IGFBPL1: variants seen among roughly 807,000 people sequenced by gnomAD.
IGFBPL1 encodes insulin like growth factor binding protein like 1, also known as insulin-like growth factor-binding protein-like 1.
Under a neutral mutation model 23.9 loss-of-function variants are expected in IGFBPL1, and 20 were observed. The ratio of observed to expected loss-of-function variants is 0.84; its 90% CI spans 0.59 to 1.22. The LOEUF is 1.22. IGFBPL1 is among the 50% of genes most tolerant of loss of function. IGFBPL1 has a pLI of 0.00. For synonymous variants in IGFBPL1, 184 were observed against 171.8 expected (o/e 1.07, Z -0.56); for missense variants, 436 against 379.3 (o/e 1.15, Z -1.24).
Position 38,421,147 on chromosome 9 carries a change from A to C in IGFBPL1, c.460+2818T>G, listed in dbSNP as rs145530073. ...GTCTCTACAAAAAATTCTAAAAATC[A>C]GCTGGGCATGATGGTATGTGCCTAT... On this transcript the variant is annotated intron_variant, in intron 1 of 4. Transcript: ENST00000377694. Among the ~76,000 whole-genome samples, 25 of 151,956 alleles carry C rather than the reference A, an allele frequency of 1.6e-4. No individual in the cohort carries two copies. The East Asian group carries it at 4.1e-3, about 25-fold the overall frequency.
At chr9:38,411,831 A>G (rs1481933833) in intron 3 of IGFBPL1, among the ~76,000 whole-genome samples, 2 of 152,202 alleles carry the variant, frequency 1.3e-5, no homozygotes, top group Non-Finnish European at 2.9e-5. Context: ...TTAAAGGTGC[A>G]AGGTATAGGT....
chr9:38,413,786 G>A (rs1322397033), intron 2 of IGFBPL1, among the ~76,000 whole-genome samples: 1 of 152,062 alleles, frequency 6.6e-6, no homozygotes, highest in African/African-American at 2.4e-5. Flanking sequence ...CATGGCCACC[G>A]CAGCTGAAGC....
Position 38,413,350 on chromosome 9 carries a change from T to C in IGFBPL1, c.574A>G (p.Thr192Ala). Residue 192 changes from threonine to alanine, a missense_variant, in exon 3 of 5, where the codon ACG becomes GCG. By Grantham distance (58) the Thr-to-Ala change is moderately conservative. Coordinates refer to ENST00000377694, the MANE Select transcript of IGFBPL1 (RefSeq NM_001007563.3). ...GCTTGGGTGCCCTCAGGGGACTTCG[T>C]GACCTACAGGGGACAGGAATGCCAG... Reference protein sequence around the residue: ...PTPVITWRKVTKSPEGTQALE... With the variant: ...PTPVITWRKVAKSPEGTQALE... The C allele has an allele frequency of 6.2e-7, 1 of 1,606,178 alleles. No individual in the cohort carries two copies. The highest frequency in any genetic ancestry group is 8.5e-7 in the Non-Finnish European group (1 of 1,172,998).
chr9:38,413,123 A>G, intron 3 of IGFBPL1, 114 bp downstream of exon 3: 2 of 725,268 alleles, frequency 2.8e-6, no homozygotes, highest in Non-Finnish European at 4.8e-6. Flanking sequence ...CAGTTACTGG[A>G]GGGGCCAGTG....
rs1821437211 is a variant in IGFBPL1, at chr9:38,406,850, C to T, written c.*2377G>A. On this transcript the variant is annotated 3_prime_UTR_variant, in exon 5 of 5. Coordinates refer to ENST00000377694, the MANE Select transcript of IGFBPL1 (RefSeq NM_001007563.3). The stretch of plus-strand genomic sequence containing the variant: ...GCCAGCCCCATACAGTCCTGATGCT[C>T]AGTACTTCCAGCATGGGCTCTGTCC... Among the ~76,000 whole-genome samples, 1 of 152,244 alleles carries T rather than the reference C, an allele frequency of 6.6e-6. No homozygotes were observed. The highest frequency in any genetic ancestry group is 1.5e-5 in the Non-Finnish European group (1 of 68,044).
At chr9:38,421,544 T>G (rs1019408762) in intron 1 of IGFBPL1, among the ~76,000 whole-genome samples, 5 of 151,958 alleles carry the variant, frequency 3.3e-5, no homozygotes, top group African/African-American at 1.2e-4. Context: ...TTCCATGAAA[T>G]CTAGGTGCTT....
chr9:38,408,077 G>A lies in IGFBPL1; in HGVS notation c.*1150C>T, dbSNP rs144102459. 4.0e-5 allele frequency among the ~76,000 whole-genome samples: 6 copies of A among 151,772 alleles called. No homozygotes were observed. The highest frequency in any genetic ancestry group is 2.1e-4 in the South Asian group (1 of 4,798). Reference sequence around the variant, plus strand: ...TGACCCCTTTTTTTACAATTTGATCGTCAGAAGCCTGGTATCCACCGCTTC... The same window carrying A: ...TGACCCCTTTTTTTACAATTTGATCATCAGAAGCCTGGTATCCACCGCTTC... On this transcript the variant is annotated 3_prime_UTR_variant, in exon 5 of 5. Coordinates refer to ENST00000377694, the MANE Select transcript of IGFBPL1 (RefSeq NM_001007563.3).
intron 1 of IGFBPL1, among the ~76,000 whole-genome samples, chr9:38,417,579 A>G (rs1470851500): frequency 6.6e-6 from 1 of 152,186 alleles, no homozygotes; most frequent in African/African-American, 2.4e-5. Context: ...CTCTGGTTCA[A>G]TGATTTCCTA....
At chr9:38,418,540 T>C (rs1821630955) in intron 1 of IGFBPL1, among the ~76,000 whole-genome samples, 1 of 152,174 alleles carries the variant, frequency 6.6e-6, no homozygotes. Flanking sequence ...GGACCATGAC[T>C]ACAGCCCTCA....
In IGFBPL1 at chr9:38,408,253, CAAAAAAAAAAAAAAA is replaced by C. The variant is rs35229194; in HGVS notation, c.*959_*973del. Among the ~76,000 whole-genome samples the C allele has an allele frequency of 2.8e-5, 2 of 70,178 alleles. No individual in the cohort carries two copies. Among genetic ancestry groups the C allele is most frequent in the African/African-American group, 1.2e-4 (2 of 17,154 alleles). The allele number at this position is 70,178 out of a possible 152,430, so 46.0% of individuals were successfully genotyped here. ...GCAACATAGGGAGACCCTGTCTCTA[CAAAAAAAAAAAAAAA>C]AAAAAAAAAAATAGCTGGGTGTGGT... On this transcript the variant is annotated 3_prime_UTR_variant, in exon 5 of 5. Coordinates refer to ENST00000377694, the MANE Select transcript of IGFBPL1 (RefSeq NM_001007563.3).
chr9:38,414,238 C>A, intron 1 of IGFBPL1, 35 bp from the exon 2 acceptor site: 1 of 1,367,310 alleles, frequency 7.3e-7, no homozygotes, highest in South Asian at 1.3e-5. Flanking sequence ...CAGCCTTTAC[C>A]CTGCAGGGTT....
intron 3 of IGFBPL1, 75 bp from the exon 4 acceptor site, chr9:38,411,624 A>G (rs563654440): frequency 3.2e-6 from 4 of 1,253,364 alleles, no homozygotes; most frequent in Admixed American, 1.8e-5. Flanking sequence ...GTTCTTAATG[A>G]TAAGTCTGCA....
intron 1 of IGFBPL1, among the ~76,000 whole-genome samples, chr9:38,419,723 A>C (rs1001875406): frequency 1.3e-5 from 2 of 152,200 alleles, no homozygotes; most frequent in Admixed American, 6.5e-5. Context: ...GAGCAATAAT[A>C]ATCATCATAA....
In IGFBPL1 at chr9:38,411,487, T is replaced by C. The variant is rs150757588; in HGVS notation, c.750A>G (p.Gly250=). 151 of 1,613,808 alleles carry C rather than the reference T, an allele frequency of 9.4e-5. No individual in the cohort carries two copies. The African/African-American group carries it at 1.9e-3, about 20-fold the overall frequency. ...VYQCHAANMV[G]EAESHSTVTV... The stretch of plus-strand genomic sequence containing the variant: ...TCACTGTGCTGTGGGACTCAGCCTC[T>C]CCCACCATGTTGGCTGCATGGCACT... The change falls in exon 4 of 5, where the codon GGA becomes GGG. Residue 250 remains glycine (G), a synonymous_variant. Transcript: ENST00000377694.
In IGFBPL1 at chr9:38,408,004, T is replaced by TA. The variant is rs1821453183; in HGVS notation, c.*1222dup. Among the ~76,000 whole-genome samples, 2 of 151,970 alleles carry TA rather than the reference T, an allele frequency of 1.3e-5. No individual in the cohort carries two copies. The highest frequency in any genetic ancestry group is 6.6e-5 in the Admixed American group (1 of 15,262). On this transcript the variant is annotated 3_prime_UTR_variant, in exon 5 of 5. Coordinates refer to ENST00000377694, the MANE Select transcript of IGFBPL1 (RefSeq NM_001007563.3). The stretch of plus-strand genomic sequence containing the variant: ...TGGGTGAGGTCAAAATGTTTGTAGG[T>TA]AAAATATATTCTACTACAATCTAAT...
intron 1 of IGFBPL1, among the ~76,000 whole-genome samples, chr9:38,415,499 CCAGA>C (rs1821587596): frequency 6.6e-6 from 1 of 152,106 alleles, no homozygotes; most frequent in African/African-American, 2.4e-5. Context: ...TTTGGCCCCT[CCAGA>C]CAGACTGGGA....
chr9:38,412,632 CTTTTCTACAG>C (rs1275897994), intron 3 of IGFBPL1, among the ~76,000 whole-genome samples: 1 of 152,170 alleles, frequency 6.6e-6, no homozygotes, highest in African/African-American at 2.4e-5. Flanking sequence ...AAACACATTT[CTTTTCTACAG>C]TTTTGGAGGT....
intron 4 of IGFBPL1, among the ~76,000 whole-genome samples, chr9:38,409,712 T>C (rs762423574): frequency 4.6e-5 from 7 of 152,240 alleles, no homozygotes; most frequent in Non-Finnish European, 1.5e-5. Context: ...ACAAGTCACA[T>C]ATCATCAGGA....
Position 38,422,616 on chromosome 9 carries a change from C to A in IGFBPL1, c.460+1349G>T, listed in dbSNP as rs1326811120. On this transcript the variant is annotated intron_variant, in intron 1 of 4. Transcript: ENST00000377694. ...GATATGGCCAGAGAGGGGAAGGGAC[C>A]CGTCCAGGGCCACTCAGGGAGCCAG... 5.3e-5 allele frequency among the ~76,000 whole-genome samples: 8 copies of A among 152,334 alleles called. No individual in the cohort carries two copies. The East Asian group carries it at 1.4e-3, about 26-fold the overall frequency.
Sources: gnomAD v4.1 joint callset for allele counts (sites outside exome capture counted in the v4.1 genomes callset) on GRCh38, gnomAD v4.1.1 for gene constraint, MANE v1.5 for transcripts, NCBI Gene and HGNC (gene_info 2026-07-23, HGNC 2026-07-21) for gene names.